The following GCLM variants were observed in gnomAD, a reference collection of about 807,000 sequenced individuals.
GCLM encodes the protein glutamate-cysteine ligase modifier subunit.
GCLM carries 15 observed loss-of-function variants against 36.0 expected under a neutral mutation model. The ratio of observed to expected loss-of-function variants is 0.42; its 90% confidence interval spans 0.28 to 0.64. GCLM has a LOEUF of 0.64. GCLM is among the 30% of genes least tolerant of loss of function. The pLI is 0.25. For synonymous variants in GCLM, 129 were observed against 122.8 expected (o/e 1.05, Z -0.34); for missense variants, 242 against 325.5 (o/e 0.74, Z 1.97).
At chr1:93,908,956 G>A (rs1657252627) in intron 1 of GCLM, 82 bp downstream of exon 1, 2 of 1,153,280 alleles carry the variant, frequency 1.7e-6, no homozygotes, top group African/African-American at 1.6e-5. Flanking sequence ...CCTCGCCCGC[G>A]GGCGCTTCTC....
chr1:93,894,953 C>T (rs545651979), intron 5 of GCLM, among the ~76,000 whole-genome samples: 228 of 150,630 alleles, frequency 1.5e-3, no homozygotes, highest in Non-Finnish European at 2.7e-3. Context: ...TACCTTTTCC[C>T]TATGTAATAG....
At chr1:93,897,477 A>T (rs1450452050) in intron 4 of GCLM, among the ~76,000 whole-genome samples, 2 of 151,572 alleles carry the variant, frequency 1.3e-5, no homozygotes, top group Non-Finnish European at 2.9e-5. Flanking sequence ...TATCACAATA[A>T]CCTAAGTGCT....
Position 93,896,766 on chromosome 1 carries a change from G to C in GCLM, c.392C>G (p.Pro131Arg). The stretch of plus-strand genomic sequence containing the variant: ...GGAAAGATTAACTCCATCTTCAATA[G>C]GAGGTGAAGCAATGATCACAGAATC... ...QLDSVIIASP[P>R]IEDGVNLSLE... The change falls in exon 5 of 7, where the codon CCT becomes CGT. Residue 131 changes from proline (P) to arginine (R), a missense_variant. By Grantham distance (103) the Pro-to-Arg change is moderately radical (BLOSUM62 -2). Transcript: ENST00000370238. 1.2e-6 allele frequency: 2 copies of C among 1,610,538 alleles called. No homozygotes were observed. Among genetic ancestry groups the C allele is most frequent in the East Asian group, 4.5e-5 (2 of 44,868 alleles).
intron 6 of GCLM, among the ~76,000 whole-genome samples, chr1:93,890,467 T>A (rs983572915): frequency 6.6e-6 from 1 of 152,162 alleles, no homozygotes; most frequent in African/African-American, 2.4e-5. Flanking sequence ...AGGTGACATT[T>A]TAAAAATGAA....
At chr1:93,894,204 G>A in intron 6 of GCLM, among the ~76,000 whole-genome samples, 1 of 151,942 alleles carries the variant, frequency 6.6e-6, no homozygotes, top group South Asian at 2.1e-4. Flanking sequence ...ACTGCAGTCA[G>A]GTTGAGATCA....
At chr1:93,890,323 ATGG>A (rs896173257) in intron 6 of GCLM, among the ~76,000 whole-genome samples, 4 of 152,200 alleles carry the variant, frequency 2.6e-5, no homozygotes, top group African/African-American at 9.6e-5. Context: ...GTACATTAAA[ATGG>A]TGGTTTGCAT....
In GCLM at chr1:93,909,086, C is replaced by G; in HGVS notation, c.78G>C (p.Leu26=). The change falls in exon 1 of 7, where the codon CTG becomes CTC. Residue 26 remains leucine (L), a synonymous_variant. Coordinates refer to ENST00000370238, the MANE Select transcript of GCLM (RefSeq NM_002061.4). ...ACTTCTTCCGCAGGCGGCCCCAGTTCAGCAGGTTCCCCGTCTGCAGGTGCA... is the reference window on the plus strand; with the variant it reads ...ACTTCTTCCGCAGGCGGCCCCAGTTGAGCAGGTTCCCCGTCTGCAGGTGCA... ...RTLHLQTGNL[L]NWGRLRKKCP... 1 of 1,474,272 alleles carries G rather than the reference C, an allele frequency of 6.8e-7. No individual in the cohort carries two copies. The highest frequency in any genetic ancestry group is 1.5e-5 in the African/African-American group (1 of 68,336). 91.3% of individuals were successfully genotyped at this position (1,474,272 alleles called of 1,614,324 possible). A position where few individuals can be genotyped will look rare whatever the true frequency, so the allele number is the denominator to read the frequency against.
At chr1:93,890,084 T>C (rs1490434108) in intron 6 of GCLM, among the ~76,000 whole-genome samples, 2 of 151,964 alleles carry the variant, frequency 1.3e-5, no homozygotes, top group African/African-American at 4.8e-5. Flanking sequence ...GCTAATTTTA[T>C]ATTTTAGTAG....
chr1:93,909,012 C>A, intron 1 of GCLM, 26 bp downstream of exon 1: 1 of 1,436,642 alleles, frequency 7.0e-7, no homozygotes, highest in Non-Finnish European at 9.1e-7. Context: ...CCCCGGGAGC[C>A]CCGCGGCGAG....
In GCLM at chr1:93,889,096, T is replaced by G; in HGVS notation, c.719A>C (p.His240Pro). 1 of 1,602,978 alleles carries G rather than the reference T, an allele frequency of 6.2e-7. No homozygotes were observed. Residue 240 changes from histidine (H) to proline (P), a missense_variant, in exon 7 of 7, where the codon CAC becomes CCC. Transcript: ENST00000370238. ...CAGTAGCCACAGCGGCACCCACTCG[T>G]GCGCTTGAATGTCAGGAATGCTTTC... The part of the protein sequence containing the change: ...LQESIPDIQA[H>P]EWVPLWLLRY...
Position 93,886,126 on chromosome 1 carries a change from TCATAA to T in GCLM, c.*2859_*2863del, listed in dbSNP as rs1345248815. The T allele has an allele frequency of 4.6e-5, 7 of 152,122 alleles. No homozygotes were observed. The highest frequency in any genetic ancestry group is 4.4e-5 in the Non-Finnish European group (3 of 68,004). 9.4% of individuals were successfully genotyped at this position (152,122 alleles called of 1,614,324 possible). ...TCATGGATGGGAATTCAAGATAGACTCATAACAGAACAAATTCCAAGTTACAGTAC... is the reference window on the plus strand; with the variant it reads ...TCATGGATGGGAATTCAAGATAGACTCAGAACAAATTCCAAGTTACAGTAC... On this transcript the variant is annotated 3_prime_UTR_variant, in exon 7 of 7. Transcript: ENST00000370238.
rs569773212 is a variant in GCLM at position 93,890,251 on chromosome 1, CA to C, written c.656-1093del. 3.0e-3 allele frequency among the ~76,000 whole-genome samples: 460 copies of C among 152,078 alleles called. 2 individuals carry two copies. Among genetic ancestry groups the C allele is most frequent in the African/African-American group, 0.011 (440 of 41,476 alleles). On this transcript the variant is annotated intron_variant, in intron 6 of 6. Transcript: ENST00000370238. Reference sequence around the variant, plus strand: ...AACCAAAAGCGGTTTATTACACACACAAAAAGTTGTGTGATGGTAGGACAGA... The same window carrying C: ...AACCAAAAGCGGTTTATTACACACACAAAAGTTGTGTGATGGTAGGACAGA...
At position 93,908,758 on chromosome 1, in the gene GCLM, G is replaced by C. The variant is rs1478936455; in HGVS notation, c.126+280C>G. On this transcript the variant is annotated intron_variant, in intron 1 of 6. Transcript: ENST00000370238. ...CCTCCGTGCCAGGAAGAGGGACCCA[G>C]GATGTTTGAGAGTTTTGCTACCAGC... is the stretch of plus-strand genomic sequence containing the variant. 1.6e-5 allele frequency: 4 copies of C among 251,498 alleles called. No homozygotes were observed. In the Admixed American group the frequency reaches 1.7e-4, roughly 10 times the overall value. 15.6% of individuals were successfully genotyped at this position (251,498 alleles called of 1,614,324 possible).
chr1:93,902,270 C>T (rs1314423529), intron 2 of GCLM, among the ~76,000 whole-genome samples: 6 of 5,270 alleles, frequency 1.1e-3, no homozygotes, highest in African/African-American at 4.8e-3. Flanking sequence ...CTCTGCCTCC[C>T]GGGTTCACGC....
rs533326619 is a variant in GCLM, at chr1:93,904,776, C to T, written c.127-188G>A. On this transcript the variant is annotated intron_variant, in intron 1 of 6. Coordinates refer to ENST00000370238, the MANE Select transcript of GCLM (RefSeq NM_002061.4). Reference sequence around the variant, plus strand: ...ACATACATAAATTCAGGCCTGTTTTCATCCTACTCTTGTTTCTCAAATGTT... The same window carrying T: ...ACATACATAAATTCAGGCCTGTTTTTATCCTACTCTTGTTTCTCAAATGTT... Among the ~76,000 whole-genome samples, 47 of 152,326 alleles carry T rather than the reference C, an allele frequency of 3.1e-4. 1 individual carries two copies. Among genetic ancestry groups the T allele is most frequent in the Non-Finnish European group, 1.6e-4 (11 of 68,034 alleles).
Position 93,909,406 on chromosome 1 carries a change from G to C in GCLM, c.-243C>G, listed in dbSNP as rs1207885665. 18 of 556,112 alleles carry C rather than the reference G, an allele frequency of 3.2e-5. No homozygotes were observed. Among genetic ancestry groups the C allele is most frequent in the Non-Finnish European group, 1.4e-5 (6 of 431,836 alleles). 34.4% of individuals were successfully genotyped at this position (556,112 alleles called of 1,614,324 possible). On this transcript the variant is annotated 5_prime_UTR_variant, in exon 1 of 7. Coordinates refer to ENST00000370238, the MANE Select transcript of GCLM (RefSeq NM_002061.4). ...GGCTCCGGCTCCGGCTACTGCGGCC[G>C]CAGCGGGAGAGCTGATTCCAAACTG...
chr1:93,897,958 T>C lies in GCLM; in HGVS notation c.278-60A>G, dbSNP rs1656794309. On this transcript the variant is annotated intron_variant, in intron 3 of 6. Coordinates refer to ENST00000370238, the MANE Select transcript of GCLM (RefSeq NM_002061.4). The stretch of plus-strand genomic sequence containing the variant: ...TTTGGATACACATTTCACTATATGC[T>C]AGTATTAACACTACTATAATACTAA... The C allele has an allele frequency of 3.8e-6, 3 of 795,816 alleles. No individual in the cohort carries two copies. In the East Asian group the frequency reaches 8.5e-5, roughly 23 times the overall value. 49.3% of individuals were successfully genotyped at this position (795,816 alleles called of 1,614,324 possible). A position where few individuals can be genotyped will look rare whatever the true frequency, so the allele number is the denominator to read the frequency against.
Position 93,909,133 on chromosome 1 carries a change from G to A in GCLM, c.31C>T (p.Leu11Phe). The A allele has an allele frequency of 7.1e-7, 1 of 1,399,260 alleles. No homozygotes were observed. Among genetic ancestry groups the A allele is most frequent in the Non-Finnish European group, 9.3e-7 (1 of 1,071,710 alleles). The allele number at this position is 1,399,260 out of a possible 1,614,324, so 86.7% of individuals were successfully genotyped here. Residue 11 changes from leucine (L) to phenylalanine (F), a missense_variant, in exon 1 of 7, where the codon CTC (leucine) becomes TTC (phenylalanine). By Grantham distance (22) the Leu-to-Phe change is conservative (BLOSUM62 0). Transcript: ENST00000370238. Reference protein sequence around the residue: MGTDSRAAKALLARARTLHLQ... With the variant: MGTDSRAAKAFLARARTLHLQ... Reference sequence around the variant, plus strand: ...TGCAGGGTGCGGGCCCGCGCCAGGAGCGCCTTGGCCGCGCGGCTGTCGGTG... The same window carrying A: ...TGCAGGGTGCGGGCCCGCGCCAGGAACGCCTTGGCCGCGCGGCTGTCGGTG...
At position 93,902,706 on chromosome 1, in the gene GCLM, T is replaced by C. The variant is rs17887214; in HGVS notation, c.193-1037A>G. ...GTCCAGTTTATCTTAGGGTTTACTC[T>C]TGGTGCTGCATAGTTTATGGATTTA... On this transcript the variant is annotated intron_variant, in intron 2 of 6. Coordinates refer to ENST00000370238, the MANE Select transcript of GCLM (RefSeq NM_002061.4). 3.3e-5 allele frequency among the ~76,000 whole-genome samples: 5 copies of C among 152,314 alleles called. No homozygotes were observed. In the South Asian group the frequency reaches 6.2e-4, roughly 19 times the overall value.
Sources: allele counts gnomAD v4.1 joint callset (sites outside exome capture counted in the v4.1 genomes callset), GRCh38; gene constraint gnomAD v4.1.1; transcripts MANE v1.5; gene names NCBI Gene and HGNC (gene_info 2026-07-23, HGNC 2026-07-21).